The following SCHIP1 variants were observed in gnomAD, a reference collection of about 807,000 sequenced individuals.
The protein encoded by SCHIP1 is schwannomin-interacting protein 1.
Under a neutral mutation model 29.7 loss-of-function variants are expected in SCHIP1, and 8 were observed. The observed-to-expected ratio is 0.27, with a 90% confidence interval of 0.16 to 0.49. The LOEUF is 0.49. Ranked by LOEUF, SCHIP1 falls within the 20% of genes least tolerant of loss-of-function variation. The probability of loss-of-function intolerance (pLI) is 0.99; values close to 1 mark genes in which losing one functional copy is unlikely to be tolerated. For missense variants in SCHIP1, 193 were observed against 294.6 expected, an observed-to-expected ratio of 0.66 and a Z score of 2.52; for synonymous variants, 76 against 94.9, an observed-to-expected ratio of 0.80 and a Z score of 1.16.
the SCHIP1 span, among the ~76,000 whole-genome samples, chr3:159,551,938 C>G: frequency 3.3e-5 from 5 of 150,558 alleles, no homozygotes; most frequent in Non-Finnish European, 3.0e-5. Flanking sequence ...TTTTGTGATA[C>G]TTACAAAAGG....
At chr3:159,445,168 A>T in the SCHIP1 span, among the ~76,000 whole-genome samples, 1 of 152,194 alleles carries the variant, frequency 6.6e-6, no homozygotes, top group African/African-American at 2.4e-5. Context: ...ATGAACTCAA[A>T]CAAATTTACA....
chr3:159,677,537 G>A, the SCHIP1 span, among the ~76,000 whole-genome samples: 1 of 152,144 alleles, frequency 6.6e-6, no homozygotes, highest in African/African-American at 2.4e-5. Flanking sequence ...TAATCTTCCA[G>A]GTAGGTATGA....
chr3:159,668,426 A>C, the SCHIP1 span, among the ~76,000 whole-genome samples: 9 of 149,662 alleles, frequency 6.0e-5, no homozygotes, highest in Admixed American at 2.0e-4. Flanking sequence ...CTTGAGTCCC[A>C]CATGTATAAT....
the SCHIP1 span, among the ~76,000 whole-genome samples, chr3:159,478,072 A>C: frequency 2.0e-5 from 3 of 151,404 alleles, no homozygotes; most frequent in South Asian, 6.3e-4. Context: ...ACAGGCACAC[A>C]CCACCACGTG....
At chr3:159,887,770 T>C in exon 4 of SCHIP1, 1 of 1,614,048 alleles carries the variant, frequency 6.2e-7, no homozygotes. Context: ...AATCCTTGGA[T>C]GACATGGACT....
the SCHIP1 span, among the ~76,000 whole-genome samples, chr3:159,774,177 T>C: frequency 2.2e-5 from 3 of 138,134 alleles, no homozygotes; most frequent in African/African-American, 8.0e-5. Flanking sequence ...CCTTAATTAT[T>C]TGTTTCATAT....
chr3:159,451,772 CTTTATATAAA>C, the SCHIP1 span, among the ~76,000 whole-genome samples: 1 of 152,044 alleles, frequency 6.6e-6, no homozygotes, highest in East Asian at 1.9e-4. Context: ...ACTCATTCTG[CTTTATATAAA>C]GCAGAATGTT....
chr3:159,620,418 A>T, the SCHIP1 span, among the ~76,000 whole-genome samples: 3 of 152,216 alleles, frequency 2.0e-5, no homozygotes, highest in African/African-American at 7.2e-5. Context: ...TCCTTTGAAG[A>T]TTTGATTCAT....
chr3:159,472,724 A>G, the SCHIP1 span, among the ~76,000 whole-genome samples: 2 of 152,208 alleles, frequency 1.3e-5, no homozygotes, highest in Admixed American at 6.6e-5. Flanking sequence ...GCCAAAGGAA[A>G]TTGGCCCATG....
the SCHIP1 span, among the ~76,000 whole-genome samples, chr3:159,634,289 G>A: frequency 1.3e-5 from 2 of 151,648 alleles, no homozygotes; most frequent in Non-Finnish European, 2.9e-5. Flanking sequence ...AATGGAAGAG[G>A]GTTAGTTTAC....
chr3:159,539,668 G>A, the SCHIP1 span, among the ~76,000 whole-genome samples: 3 of 135,660 alleles, frequency 2.2e-5, no homozygotes, highest in African/African-American at 7.6e-5. Flanking sequence ...ACTCAGTAAT[G>A]ATCTCACAAT....
At chr3:159,592,318 C>T in the SCHIP1 span, among the ~76,000 whole-genome samples, 3 of 152,108 alleles carry the variant, frequency 2.0e-5, no homozygotes, top group Non-Finnish European at 2.9e-5. Context: ...TACCTCTGAA[C>T]GTACATTTGC....
chr3:159,606,625 C>G, the SCHIP1 span, among the ~76,000 whole-genome samples: 10 of 152,162 alleles, frequency 6.6e-5, no homozygotes, highest in African/African-American at 2.4e-4. Context: ...GCAGGACACC[C>G]ATGGTAAACA....
chr3:159,462,145 G>T, the SCHIP1 span, among the ~76,000 whole-genome samples: 37 of 152,098 alleles, frequency 2.4e-4, 1 homozygote, highest in South Asian at 1.0e-3. Flanking sequence ...AGGAGGCGAG[G>T]TTGCAGTGAG....
the SCHIP1 span, among the ~76,000 whole-genome samples, chr3:159,783,134 T>A: frequency 3.9e-5 from 6 of 152,242 alleles, no homozygotes; most frequent in African/African-American, 1.4e-4. Context: ...TGCTAGATAC[T>A]TGGGAGTCAA....
chr3:159,488,491 A>T, the SCHIP1 span, among the ~76,000 whole-genome samples: 1 of 152,190 alleles, frequency 6.6e-6, no homozygotes, highest in Admixed American at 6.5e-5. Context: ...ATGTGTTTAA[A>T]AAAAGAAATA....
chr3:159,776,174 C>T, the SCHIP1 span, among the ~76,000 whole-genome samples: 2 of 152,166 alleles, frequency 1.3e-5, no homozygotes, highest in African/African-American at 2.4e-5. Flanking sequence ...CCAATTCAGT[C>T]TCCTGTTTTT....
the SCHIP1 span, among the ~76,000 whole-genome samples, chr3:159,701,055 C>T: frequency 2.0e-5 from 3 of 151,930 alleles, no homozygotes; most frequent in Admixed American, 6.6e-5. Flanking sequence ...GGATGTTATG[C>T]GATTAAATAC....
the SCHIP1 span, among the ~76,000 whole-genome samples, chr3:159,312,658 C>T: frequency 1.3e-4 from 20 of 152,274 alleles, no homozygotes; most frequent in African/African-American, 4.6e-4. Context: ...ACTCATTTCA[C>T]ACTTCATCCT....
Sources: allele counts gnomAD v4.1 joint callset (sites outside exome capture counted in the v4.1 genomes callset), GRCh38; gene constraint gnomAD v4.1.1; transcripts MANE v1.5; gene names NCBI Gene and HGNC (gene_info 2026-07-23, HGNC 2026-07-21).